The following CNOT2 variants were observed in gnomAD, a reference collection of about 807,000 sequenced individuals.
CNOT2 encodes the protein CCR4-NOT transcription complex subunit 2.
In CNOT2, 7 loss-of-function variants were observed where a neutral mutation model predicts 72.1. That is an observed-to-expected ratio of 0.10 (90% CI 0.06 to 0.18). CNOT2 has a LOEUF of 0.18. Ranked by LOEUF, CNOT2 falls within the 10% of genes least tolerant of loss-of-function variation. The probability of loss-of-function intolerance (pLI) is 1.00; values close to 1 mark genes in which losing one functional copy is unlikely to be tolerated. For missense variants in CNOT2, 345 were observed against 660.3 expected (o/e 0.52, Z 5.23); for synonymous variants, 196 against 225.6 (o/e 0.87, Z 1.17).
intron 2 of CNOT2, among the ~76,000 whole-genome samples, chr12:70,310,050 A>G (rs1488813181): frequency 6.6e-6 from 1 of 152,044 alleles, no homozygotes; most frequent in Non-Finnish European, 1.5e-5. Context: ...TTTATATAGC[A>G]TTTACATTGT....
intron 4 of CNOT2, among the ~76,000 whole-genome samples, chr12:70,328,808 G>A (rs1879480989): frequency 6.6e-6 from 1 of 150,376 alleles, no homozygotes. Flanking sequence ...ATATTTTGAC[G>A]TCTTTTTAAA....
chr12:70,289,238 A>G (rs1340760152), intron 2 of CNOT2, among the ~76,000 whole-genome samples: 1 of 152,090 alleles, frequency 6.6e-6, no homozygotes, highest in Non-Finnish European at 1.5e-5. Flanking sequence ...GAAGTTCAAA[A>G]TTGACGGGTT....
rs1464087539 is a variant in CNOT2, at chr12:70,344,146, G to A, written c.1309G>A (p.Gly437Ser). 6.2e-7 allele frequency: 1 copy of A among 1,600,266 alleles called. No homozygotes were observed. The highest frequency in any genetic ancestry group is 1.1e-5 in the South Asian group (1 of 87,380). Reference protein sequence around the residue: ...IRDKLAAIKLGRYGEDLLFYL... With the variant: ...IRDKLAAIKLSRYGEDLLFYL... Reference sequence around the variant, plus strand: ...TTTTCAGCTGGCTGCAATAAAACTTGGCCGATATGGTGAAGACCTTCTCTT... The same window carrying A: ...TTTTCAGCTGGCTGCAATAAAACTTAGCCGATATGGTGAAGACCTTCTCTT... The change falls in exon 14 of 16, where the codon GGC becomes AGC. Residue 437 changes from glycine (G) to serine (S), a missense_variant. Coordinates refer to ENST00000229195, the MANE Select transcript of CNOT2 (RefSeq NM_014515.7).
intron 15 of CNOT2, among the ~76,000 whole-genome samples, chr12:70,352,034 T>C (rs78209096): frequency 6.6e-6 from 1 of 150,616 alleles, no homozygotes; most frequent in Non-Finnish European, 1.5e-5. Flanking sequence ...AGGGGACTGA[T>C]TTTTTTTTTC....
At chr12:70,344,091 G>A (rs750265466) in intron 13 of CNOT2, 37 bp from the exon 14 acceptor site, 2 of 1,448,804 alleles carry the variant, frequency 1.4e-6, no homozygotes, top group Non-Finnish European at 1.9e-6. Context: ...TTGCAGATTT[G>A]TTTTATATTT....
At chr12:70,318,033 C>T (rs952372792) in intron 3 of CNOT2, among the ~76,000 whole-genome samples, 1 of 151,892 alleles carries the variant, frequency 6.6e-6, no homozygotes, top group African/African-American at 2.4e-5. Context: ...CCGTTATACC[C>T]CAGCTAGTCA....
chr12:70,314,571 GAC>G (rs1430707386), intron 3 of CNOT2, among the ~76,000 whole-genome samples: 4 of 152,182 alleles, frequency 2.6e-5, no homozygotes, highest in African/African-American at 9.6e-5. Flanking sequence ...GCTGTAACCT[GAC>G]ATTCAGACAA....
At chr12:70,305,876 T>G (rs938199179) in intron 2 of CNOT2, among the ~76,000 whole-genome samples, 1 of 146,900 alleles carries the variant, frequency 6.8e-6, no homozygotes, top group Admixed American at 6.8e-5. Flanking sequence ...GAAGTTTGTT[T>G]TTTTTTTTTT....
chr12:70,278,943 C>A (rs933623401), intron 2 of CNOT2, among the ~76,000 whole-genome samples: 60 of 152,220 alleles, frequency 3.9e-4, no homozygotes, highest in African/African-American at 1.3e-3. Flanking sequence ...TTAAAGAAAA[C>A]CAACATATTT....
At chr12:70,282,482 A>G (rs193025519) in intron 2 of CNOT2, among the ~76,000 whole-genome samples, 8 of 152,226 alleles carry the variant, frequency 5.3e-5, no homozygotes, top group African/African-American at 1.7e-4. Context: ...ACAGATGCCT[A>G]TTACCAAAAC....
chr12:70,317,401 A>G (rs1242146475), intron 3 of CNOT2, among the ~76,000 whole-genome samples: 1 of 152,040 alleles, frequency 6.6e-6, no homozygotes, highest in Admixed American at 6.6e-5. Context: ...CAATTTGGAA[A>G]TGAACTTTTA....
At chr12:70,296,742 C>T (rs1872861350) in intron 2 of CNOT2, among the ~76,000 whole-genome samples, 1 of 145,878 alleles carries the variant, frequency 6.9e-6, no homozygotes. Flanking sequence ...AGGTGCCTTT[C>T]TGTCCTTTAT....
rs978677792 is a variant in CNOT2 at position 70,338,671 on chromosome 12, G to T, written c.1027G>T (p.Val343Phe). 2 of 1,612,484 alleles carry T rather than the reference G, an allele frequency of 1.2e-6. No homozygotes were observed. Among genetic ancestry groups the T allele is most frequent in the South Asian group, 2.2e-5 (2 of 90,864 alleles). Reference protein sequence around the residue: ...KGIQVLPDGRVTNIPQGMVTD... With the variant: ...KGIQVLPDGRFTNIPQGMVTD... ...ACTGTGTTTTTCCTACCCAGGTCGG[G>T]TTACTAACATTCCTCAAGGGATGGT... The change falls in exon 11 of 16, where the codon GTT becomes TTT. Residue 343 changes from valine (V) to phenylalanine (F), a missense_variant. Transcript: ENST00000229195.
At chr12:70,320,266 A>G (rs1878072491) in intron 4 of CNOT2, among the ~76,000 whole-genome samples, 2 of 151,844 alleles carry the variant, frequency 1.3e-5, no homozygotes, top group Admixed American at 1.3e-4. Flanking sequence ...CAATAATTTG[A>G]TTTGGAACTC....
chr12:70,276,315 C>A (rs749933972), intron 1 of CNOT2, among the ~76,000 whole-genome samples: 8 of 151,892 alleles, frequency 5.3e-5, no homozygotes, highest in Non-Finnish European at 1.0e-4. Flanking sequence ...TTCCAACATT[C>A]TTTTGCTGAC....
intron 2 of CNOT2, among the ~76,000 whole-genome samples, chr12:70,299,049 G>A (rs1873341715): frequency 6.6e-6 from 1 of 152,052 alleles, no homozygotes; most frequent in South Asian, 2.1e-4. Flanking sequence ...CCGAGACTGG[G>A]TAGTTTATAA....
chr12:70,303,818 A>T (rs1304495854), intron 2 of CNOT2, among the ~76,000 whole-genome samples: 1 of 152,192 alleles, frequency 6.6e-6, no homozygotes, highest in Non-Finnish European at 1.5e-5. Flanking sequence ...GTGTTTTCCA[A>T]CTTGGTTCCA....
intron 2 of CNOT2, among the ~76,000 whole-genome samples, chr12:70,282,058 C>T (rs1869959242): frequency 6.6e-6 from 1 of 151,976 alleles, no homozygotes; most frequent in Non-Finnish European, 1.5e-5. Context: ...TTTGGTACTG[C>T]CAATACCTAG....
chr12:70,252,492 A>G (rs1425325074), intron 1 of CNOT2, among the ~76,000 whole-genome samples: 1 of 152,156 alleles, frequency 6.6e-6, no homozygotes, highest in Non-Finnish European at 1.5e-5. Flanking sequence ...TATTGTATGC[A>G]TTATATACTA....
Sources: gnomAD v4.1 joint callset for allele counts (sites outside exome capture counted in the v4.1 genomes callset) on GRCh38, gnomAD v4.1.1 for gene constraint, MANE v1.5 for transcripts, NCBI Gene and HGNC (gene_info 2026-07-23, HGNC 2026-07-21) for gene names.